The following MYO5A variants were observed in gnomAD, a reference collection of about 807,000 sequenced individuals.
The protein encoded by MYO5A is unconventional myosin-Va.
A neutral mutation model predicts 249.7 loss-of-function variants in MYO5A; 98 were observed. The observed-to-expected ratio is 0.39, with a 90% CI of 0.33 to 0.46. MYO5A has a LOEUF of 0.46. MYO5A is among the 20% of genes least tolerant of loss of function. The pLI is 0.98. For synonymous variants in MYO5A, 778 were observed against 810.6 expected, an observed-to-expected ratio of 0.96 and a Z score of 0.68; for missense variants, 1,696 against 2,308.8, an observed-to-expected ratio of 0.73 and a Z score of 5.44.
chr15:52,308,702 C>T lies in MYO5A; in HGVS notation c.*4994G>A, dbSNP rs1340964601. 1 of 152,668 alleles carries T rather than the reference C, an allele frequency of 6.6e-6. No individual in the cohort carries two copies. The highest frequency in any genetic ancestry group is 1.5e-5 in the Non-Finnish European group (1 of 68,092). 9.5% of individuals were successfully genotyped at this position (152,668 alleles called of 1,614,324 possible). On this transcript the variant is annotated 3_prime_UTR_variant, in exon 42 of 42. Transcript: ENST00000399233. ...AAGGAGGGTCATGCAGGGCCACATC[C>T]AGTCAAAACTCTCACAAAACCTTGA...
chr15:52,354,620 C>T (rs1302568683), intron 25 of MYO5A, among the ~76,000 whole-genome samples: 1 of 152,124 alleles, frequency 6.6e-6, no homozygotes, highest in African/African-American at 2.4e-5. Context: ...CTTTGGGAGG[C>T]CAAGGCGGGT....
intron 1 of MYO5A, among the ~76,000 whole-genome samples, chr15:52,519,480 C>G (rs78741575): frequency 2.6e-5 from 4 of 152,036 alleles, no homozygotes; most frequent in African/African-American, 7.2e-5. Context: ...GGCATGGTGG[C>G]ATGCGCTTAC....
intron 25 of MYO5A, 92 bp from the exon 26 acceptor site, chr15:52,354,106 C>T: frequency 1.4e-6 from 2 of 1,434,294 alleles, no homozygotes; most frequent in South Asian, 2.4e-5. Flanking sequence ...GAAAAATAGG[C>T]AAACTTACAG....
intron 10 of MYO5A, 25 bp from the exon 11 acceptor site, chr15:52,396,422 A>G (rs1460267475): frequency 9.1e-6 from 12 of 1,319,468 alleles, no homozygotes; most frequent in African/African-American, 1.4e-5. Flanking sequence ...ATAATATGAA[A>G]AGGGGAGAAA....
chr15:52,397,865 G>C (rs955347566), intron 9 of MYO5A, among the ~76,000 whole-genome samples: 4 of 152,224 alleles, frequency 2.6e-5, no homozygotes, highest in African/African-American at 9.6e-5. Context: ...TGGGGAAATG[G>C]GTATTAATCA....
intron 1 of MYO5A, among the ~76,000 whole-genome samples, chr15:52,523,339 T>C (rs2077662032): frequency 6.6e-6 from 1 of 152,246 alleles, no homozygotes; most frequent in Admixed American, 6.5e-5. Flanking sequence ...AAAATGTGTT[T>C]ACTTGTTTAA....
In MYO5A at chr15:52,384,281, G is replaced by A. The variant is rs778243865; in HGVS notation, c.1794C>T (p.Ala598=). 2 of 1,614,152 alleles carry A rather than the reference G, an allele frequency of 1.2e-6. No individual in the cohort carries two copies. Among genetic ancestry groups the A allele is most frequent in the Admixed American group, 3.3e-5 (2 of 60,022 alleles). ...LPELFQDDEK[A]ISPTSATSSG... is the part of the protein sequence containing the mutation. The stretch of plus-strand genomic sequence containing the variant: ...AGGAGGTGGCTGAAGTTGGACTGAT[G>A]GCCTTCTCATCATCTTGAAATAGTT... Residue 598 remains alanine (A), a synonymous_variant, in exon 15 of 42, where the codon GCC becomes GCT. Coordinates refer to ENST00000399233, the MANE Select transcript of MYO5A (RefSeq NM_001382347.1).
At chr15:52,474,261 T>C (rs1455224414) in intron 1 of MYO5A, among the ~76,000 whole-genome samples, 2 of 152,260 alleles carry the variant, frequency 1.3e-5, no homozygotes, top group African/African-American at 2.4e-5. Flanking sequence ...ACTGCTGAAG[T>C]TGCTTATCAG....
chr15:52,436,831 C>T lies in MYO5A; in HGVS notation c.28-3546G>A, dbSNP rs202151475. 3.5e-4 allele frequency among the ~76,000 whole-genome samples: 47 copies of T among 135,196 alleles called. 1 individual carries two copies. The highest frequency in any genetic ancestry group is 4.1e-4 in the Non-Finnish European group (28 of 67,600). The allele number at this position is 135,196 out of a possible 152,430, so 88.7% of individuals were successfully genotyped here. A position where few individuals can be genotyped will look rare whatever the true frequency, so the allele number is the denominator to read the frequency against. On this transcript the variant is annotated intron_variant, in intron 1 of 41. Coordinates refer to ENST00000399233, the MANE Select transcript of MYO5A (RefSeq NM_001382347.1). ...TTTCTCTTATTATTACCAACACATA[C>T]AAACTTTTAATCTAAACAGTTTGCA...
intron 5 of MYO5A, among the ~76,000 whole-genome samples, chr15:52,411,465 C>T (rs568767046): frequency 7.2e-5 from 11 of 151,772 alleles, no homozygotes; most frequent in Non-Finnish European, 1.3e-4. Context: ...TTTTATATAA[C>T]CTTAAAAATT....
chr15:52,433,051 G>A lies in MYO5A; in HGVS notation c.138+124C>T, dbSNP rs995247530. The A allele has an allele frequency of 4.1e-6, 3 of 738,306 alleles. No individual in the cohort carries two copies. In the African/African-American group the frequency reaches 5.2e-5, roughly 13 times the overall value. 45.7% of individuals were successfully genotyped at this position (738,306 alleles called of 1,614,324 possible). Reference sequence around the variant, plus strand: ...TGAGTTTGCCATTTTTACCAATTTAGTAAGTAAAAATTCTAGGTAAGTTCA... The same window carrying A: ...TGAGTTTGCCATTTTTACCAATTTAATAAGTAAAAATTCTAGGTAAGTTCA... On this transcript the variant is annotated intron_variant, in intron 2 of 41. Coordinates refer to ENST00000399233, the MANE Select transcript of MYO5A (RefSeq NM_001382347.1).
Position 52,353,943 on chromosome 15 carries a change from C to T in MYO5A, c.3495G>A (p.Leu1165=). ...FLKLQKRVTE[L]EQEKQVMQDE... The stretch of plus-strand genomic sequence containing the variant: ...CCTGCATCACCTGCTTCTCCTGCTC[C>T]AGCTCTGTGACCCGCTTCTGGAGCT... The change falls in exon 26 of 42, where the codon CTG becomes CTA. Residue 1165 remains leucine (L), a synonymous_variant. Transcript: ENST00000399233. 1 of 1,614,238 alleles carries T rather than the reference C, an allele frequency of 6.2e-7. No homozygotes were observed. Among genetic ancestry groups the T allele is most frequent in the South Asian group, 1.1e-5 (1 of 91,092 alleles).
chr15:52,382,906 T>A (rs1408573682), intron 16 of MYO5A, among the ~76,000 whole-genome samples, 185 bp downstream of exon 16: 1 of 152,202 alleles, frequency 6.6e-6, no homozygotes, highest in Non-Finnish European at 1.5e-5. Flanking sequence ...TACTCTCACA[T>A]TCTCAAAAGG....
chr15:52,342,391 C>T (rs988912507), intron 31 of MYO5A, among the ~76,000 whole-genome samples: 9 of 152,162 alleles, frequency 5.9e-5, no homozygotes, highest in African/African-American at 1.9e-4. Context: ...AGCCACATTG[C>T]CATAGACACA....
At chr15:52,480,690 T>C (rs753078625) in intron 1 of MYO5A, among the ~76,000 whole-genome samples, 7 of 152,332 alleles carry the variant, frequency 4.6e-5, no homozygotes, top group Admixed American at 3.3e-4. Flanking sequence ...ACATTCTCTT[T>C]TCCTTGGCAG....
At chr15:52,504,181 T>C (rs2077217830) in intron 1 of MYO5A, among the ~76,000 whole-genome samples, 1 of 151,956 alleles carries the variant, frequency 6.6e-6, no homozygotes, top group Non-Finnish European at 1.5e-5. Context: ...AAAACTGATA[T>C]GTTTCTACAC....
intron 1 of MYO5A, among the ~76,000 whole-genome samples, chr15:52,436,306 C>T (rs548458176): frequency 6.6e-6 from 1 of 152,334 alleles, no homozygotes; most frequent in South Asian, 2.1e-4. Context: ...CCTTCCCCTG[C>T]CAACCTCTAA....
chr15:52,379,595 T>A, intron 18 of MYO5A, 30 bp downstream of exon 18: 1 of 1,591,784 alleles, frequency 6.3e-7, no homozygotes. Context: ...GGCCTTCTGC[T>A]CAGATGACGG....
intron 1 of MYO5A, among the ~76,000 whole-genome samples, chr15:52,520,315 G>A (rs913017172): frequency 1.3e-5 from 2 of 152,160 alleles, no homozygotes; most frequent in Non-Finnish European, 1.5e-5. Context: ...GGTCTCTGGG[G>A]TGAGCACAGA....
Sources: gnomAD v4.1 joint callset for allele counts (sites outside exome capture counted in the v4.1 genomes callset) on GRCh38, gnomAD v4.1.1 for gene constraint, MANE v1.5 for transcripts, NCBI Gene and HGNC (gene_info 2026-07-23, HGNC 2026-07-21) for gene names.